TMEM135: variants seen among roughly 807,000 people sequenced by gnomAD.
TMEM135 encodes the protein transmembrane protein 135, also known as peroxisomal membrane protein 52.
In TMEM135, 30 loss-of-function variants were observed where a neutral mutation model predicts 60.3. The observed-to-expected ratio is 0.50, with a 90% CI of 0.37 to 0.68. TMEM135 has a LOEUF of 0.68. Among genes scored for constraint, TMEM135 ranks in the 30% least tolerant of loss-of-function variants. The pLI is 0.00. For missense variants in TMEM135, 468 were observed against 548.8 expected (o/e 0.85, Z 1.47); for synonymous variants, 190 against 186.7 (o/e 1.02, Z -0.14).
chr11:87,119,673 C>T (rs3018710), intron 4 of TMEM135, among the ~76,000 whole-genome samples: 72,511 of 152,102 alleles, frequency 0.48, 17,580 homozygotes, highest in East Asian at 0.68. Context: ...TGCACTCCAG[C>T]CTGGGTGATA....
At position 87,323,653 on chromosome 11, in the gene TMEM135, C is replaced by T. The variant is rs768515830; in HGVS notation, c.*2320C>T. On this transcript the variant is annotated 3_prime_UTR_variant, in exon 15 of 15. Transcript: ENST00000305494. ...TTTTATATAGATTGAGATTGAAAAA[C>T]CGTGCATTTGGGGCAGTGGTATTAT... is the stretch of plus-strand genomic sequence containing the variant. 11 of 453,606 alleles carry T rather than the reference C, an allele frequency of 2.4e-5. No individual in the cohort carries two copies. The highest frequency in any genetic ancestry group is 1.7e-4 in the South Asian group (11 of 64,376). 28.1% of individuals were successfully genotyped at this position (453,606 alleles called of 1,614,324 possible). A position where few individuals can be genotyped will look rare whatever the true frequency, so the allele number is the denominator to read the frequency against.
At position 87,314,473 on chromosome 11, in the gene TMEM135, T is replaced by A; in HGVS notation, c.1003T>A (p.Phe335Ile). ...TTATTTCTTATTTCTTGTTTCAGGA[T>A]TTTTGGCAGGTATATCAATGATGTT... The part of the protein sequence containing the change: ...DDELHAIIAG[F>I]LAGISMMFYK... The change falls in exon 12 of 15, where the codon TTT becomes ATT. Residue 335 changes from phenylalanine to isoleucine, a missense_variant and splice_region_variant. By Grantham distance (21) the Phe-to-Ile change is conservative. Coordinates refer to ENST00000305494, the MANE Select transcript of TMEM135 (RefSeq NM_022918.4). The A allele has an allele frequency of 1.9e-6, 3 of 1,608,594 alleles. No individual in the cohort carries two copies. Among genetic ancestry groups the A allele is most frequent in the Non-Finnish European group, 2.6e-6 (3 of 1,175,964 alleles).
In TMEM135 at chr11:87,189,115, T is replaced by TCCTTTC. The variant is rs1372755712; in HGVS notation, c.462+31721_462+31726dup. Among the ~76,000 whole-genome samples the TCCTTTC allele has an allele frequency of 5.9e-5, 9 of 151,908 alleles. No homozygotes were observed. The South Asian group carries it at 1.3e-3, about 21-fold the overall frequency. On this transcript the variant is annotated intron_variant, in intron 5 of 14. Transcript: ENST00000305494. ...TCCTTTTCCGTTTCCCTTTTCCTTTTCCTTTCCCTTTCCCTTTTCCTTTCC... is the reference window on the plus strand; with the variant it reads ...TCCTTTTCCGTTTCCCTTTTCCTTTTCCTTTCCCTTTCCCTTTCCCTTTTCCTTTCC...
At chr11:87,129,033 A>C (rs1156303190) in intron 4 of TMEM135, among the ~76,000 whole-genome samples, 2 of 149,270 alleles carry the variant, frequency 1.3e-5, no homozygotes, top group African/African-American at 4.9e-5. Flanking sequence ...TTTAACCTAG[A>C]GTTATAGCTT....
intron 10 of TMEM135, among the ~76,000 whole-genome samples, chr11:87,312,546 A>T (rs1218505911): frequency 6.6e-6 from 1 of 151,884 alleles, no homozygotes; most frequent in Non-Finnish European, 1.5e-5. Flanking sequence ...TTGTGACCAT[A>T]TGGTCTCTGT....
Position 87,328,742 on chromosome 11 carries a change from C to G in TMEM135, c.*7409C>G, listed in dbSNP as rs371920902. ...ATATACCACATTTTCTTTATCCACT[C>G]ATTGGTCTATGGGCACTTTGGTTGA... is the stretch of plus-strand genomic sequence containing the variant. On this transcript the variant is annotated 3_prime_UTR_variant, in exon 15 of 15. Coordinates refer to ENST00000305494, the MANE Select transcript of TMEM135 (RefSeq NM_022918.4). 6.6e-6 allele frequency: 3 copies of G among 453,968 alleles called. No individual in the cohort carries two copies. Among genetic ancestry groups the G allele is most frequent in the African/African-American group, 6.0e-5 (3 of 49,992 alleles). The allele number at this position is 453,968 out of a possible 1,614,324, so 28.1% of individuals were successfully genotyped here. A position where few individuals can be genotyped will look rare whatever the true frequency, so the allele number is the denominator to read the frequency against.
In TMEM135 at chr11:87,111,057, CATT is replaced by C. The variant is rs151200590; in HGVS notation, c.396+19663_396+19665del. ...TTCGCTAACTGTAGACAAAATAAGT[CATT>C]GTTGAAGTCTTAAAATGTAGTTTCC... On this transcript the variant is annotated intron_variant, in intron 4 of 14. Transcript: ENST00000305494. 5.5e-3 allele frequency among the ~76,000 whole-genome samples: 840 copies of C among 152,178 alleles called. 2 individuals are homozygous for C. Among genetic ancestry groups the C allele is most frequent in the Non-Finnish European group, 9.0e-3 (613 of 67,998 alleles).
chr11:87,166,112 A>G (rs112220530), intron 5 of TMEM135, among the ~76,000 whole-genome samples: 2 of 151,586 alleles, frequency 1.3e-5, no homozygotes, highest in Non-Finnish European at 2.9e-5. Flanking sequence ...CTTACCAACC[A>G]AATGTCTTCT....
chr11:87,129,213 A>ATTTTTTTTTTTT (rs71040295), intron 4 of TMEM135, among the ~76,000 whole-genome samples: 13 of 116,252 alleles, frequency 1.1e-4, no homozygotes, highest in Non-Finnish European at 2.1e-4. Context: ...TTATTCCTTA[A>ATTTTTTTTTTTT]TTTTTTTTTT....
intron 2 of TMEM135, among the ~76,000 whole-genome samples, chr11:87,070,610 T>G (rs1856757646): frequency 1.3e-5 from 2 of 151,454 alleles, no homozygotes; most frequent in South Asian, 4.2e-4. Flanking sequence ...CACTCCAGCC[T>G]GGGCAACAGA....
chr11:87,118,518 A>T (rs1239955202), intron 4 of TMEM135, among the ~76,000 whole-genome samples: 1 of 150,828 alleles, frequency 6.6e-6, no homozygotes, highest in Non-Finnish European at 1.5e-5. Flanking sequence ...ACACGATCTC[A>T]GCTCACTGCA....
At chr11:87,227,085 C>T (rs1475491267) in intron 5 of TMEM135, among the ~76,000 whole-genome samples, 2 of 151,832 alleles carry the variant, frequency 1.3e-5, no homozygotes, top group African/African-American at 4.8e-5. Flanking sequence ...ACACAATGGC[C>T]AATAGTGCAA....
At chr11:87,220,629 C>G (rs923680845) in intron 5 of TMEM135, among the ~76,000 whole-genome samples, 1 of 152,104 alleles carries the variant, frequency 6.6e-6, no homozygotes, top group Admixed American at 6.6e-5. Context: ...ATTTAGACAT[C>G]GTGTTTTAGA....
intron 10 of TMEM135, among the ~76,000 whole-genome samples, chr11:87,311,128 C>A (rs1291307357): frequency 6.6e-6 from 1 of 150,500 alleles, no homozygotes; most frequent in African/African-American, 2.4e-5. Context: ...TATATACGTA[C>A]ACATATACAC....
At chr11:87,187,457 A>G (rs1305553029) in intron 5 of TMEM135, among the ~76,000 whole-genome samples, 3 of 152,216 alleles carry the variant, frequency 2.0e-5, no homozygotes, top group Non-Finnish European at 4.4e-5. Context: ...AATAGATCCT[A>G]TTGAACTCGA....
chr11:87,259,149 G>A (rs192188924), intron 6 of TMEM135: 4 of 665,848 alleles, frequency 6.0e-6, no homozygotes, highest in South Asian at 1.5e-5. Flanking sequence ...CTCCGACCAG[G>A]TCTCATCTAG....
chr11:87,193,767 TTATATTA>T (rs966513527), intron 5 of TMEM135, among the ~76,000 whole-genome samples: 7 of 148,260 alleles, frequency 4.7e-5, no homozygotes, highest in Non-Finnish European at 1.0e-4. Flanking sequence ...TTCTTATATA[TTATATTA>T]TATATTATAT....
chr11:87,178,443 T>A (rs1240759120), intron 5 of TMEM135: 3 of 456,218 alleles, frequency 6.6e-6, no homozygotes, highest in Non-Finnish European at 1.3e-5. Context: ...CATAATGCGT[T>A]TTGTTTTTTT....
intron 6 of TMEM135, among the ~76,000 whole-genome samples, chr11:87,288,120 C>G (rs893438761): frequency 2.0e-5 from 3 of 152,096 alleles, no homozygotes; most frequent in Non-Finnish European, 4.4e-5. Context: ...TGGTTTTATA[C>G]GTATCCTATT....
Sources: allele counts gnomAD v4.1 joint callset (sites outside exome capture counted in the v4.1 genomes callset), GRCh38; gene constraint gnomAD v4.1.1; transcripts MANE v1.5; gene names NCBI Gene and HGNC (gene_info 2026-07-23, HGNC 2026-07-21).